The following TENM1 variants were observed in gnomAD, a reference collection of about 807,000 sequenced individuals.
TENM1 encodes teneurin transmembrane protein 1.
Under a neutral mutation model 174.8 loss-of-function variants are expected in TENM1, and 35 were observed. The ratio of observed to expected loss-of-function variants is 0.20; its 90% CI spans 0.15 to 0.27. The LOEUF (loss-of-function observed/expected upper bound fraction) is 0.27, where lower values mean the gene tolerates loss of function less well. Ranked by LOEUF, TENM1 falls within the 10% of genes least tolerant of loss-of-function variation. TENM1 has a pLI of 1.00. For synonymous variants in TENM1, 781 were observed against 798.7 expected (o/e 0.98, Z 0.37); for missense variants, 1,633 against 2,130.1 (o/e 0.77, Z 4.59).
chrX:124,559,332 A>T (rs1326550723), intron 14 of TENM1, among the ~76,000 whole-genome samples: 1 of 111,402 alleles, frequency 9.0e-6, no homozygotes, highest in Admixed American at 9.6e-5. Flanking sequence ...AACTTACTTG[A>T]CTTCTCTGTG....
intron 23 of TENM1, among the ~76,000 whole-genome samples, chrX:124,452,825 T>G (rs753529463): frequency 1.2e-5 from 1 of 86,878 alleles, no homozygotes; most frequent in Non-Finnish European, 2.1e-5. Context: ...ATGAGAACAC[T>G]TGGACACAGG....
chrX:124,420,065 G>T (rs1309948688), intron 25 of TENM1, among the ~76,000 whole-genome samples: 1 of 111,921 alleles, frequency 8.9e-6, no homozygotes, highest in Non-Finnish European at 1.9e-5. Context: ...GTCTCCTGCA[G>T]TGCCACACTT....
At chrX:124,902,230 T>A (rs145463658) in intron 1 of TENM1, among the ~76,000 whole-genome samples, 1 of 112,156 alleles carries the variant, frequency 8.9e-6, no homozygotes, top group East Asian at 2.8e-4. Flanking sequence ...GTTTCATGAA[T>A]CAAGGAGCCA....
At chrX:125,087,283 T>C in the TENM1 span, among the ~76,000 whole-genome samples, 5 of 111,170 alleles carry the variant, frequency 4.5e-5, no homozygotes, top group African/African-American at 1.3e-4. Context: ...GTGAATATTA[T>C]CAATATTTTA....
chrX:124,898,152 T>A (rs2147586972), intron 1 of TENM1, among the ~76,000 whole-genome samples: 1 of 111,653 alleles, frequency 9.0e-6, no homozygotes, highest in Admixed American at 9.6e-5. Context: ...AAACATAGAT[T>A]GCTGCACCCC....
At chrX:125,063,860 T>C in the TENM1 span, among the ~76,000 whole-genome samples, 5 of 111,662 alleles carry the variant, frequency 4.5e-5, no homozygotes, top group South Asian at 1.1e-3. Flanking sequence ...CACATGCACA[T>C]GTATGTTTAC....
exon 32 of TENM1, chrX:124,377,105 C>A (rs1178839633): frequency 1.8e-5 from 2 of 108,934 alleles, no homozygotes; most frequent in Non-Finnish European, 3.8e-5. Flanking sequence ...TATAGTGGGG[C>A]CTGGTCTAGT....
intron 3 of TENM1, among the ~76,000 whole-genome samples, chrX:124,843,326 G>A (rs2147369620): frequency 9.0e-6 from 1 of 111,718 alleles, no homozygotes; most frequent in East Asian, 2.8e-4. Flanking sequence ...TTAACCTCCT[G>A]AGCAGCTTTG....
At chrX:124,484,610 C>T (rs1001018411) in intron 21 of TENM1, among the ~76,000 whole-genome samples, 1 of 111,588 alleles carries the variant, frequency 9.0e-6, no homozygotes, top group African/African-American at 3.3e-5. Context: ...CCAGCTTTAG[C>T]CATTGGGAGC....
At chrX:124,630,586 T>C (rs1471720152) in intron 11 of TENM1, among the ~76,000 whole-genome samples, 1 of 111,864 alleles carries the variant, frequency 8.9e-6, no homozygotes, top group Admixed American at 9.5e-5. Context: ...TTGAGACCCA[T>C]AGTGGTTCAC....
intron 11 of TENM1, among the ~76,000 whole-genome samples, chrX:124,623,304 TGA>T (rs2050562980): frequency 9.0e-6 from 1 of 110,905 alleles, no homozygotes; most frequent in Non-Finnish European, 1.9e-5. Flanking sequence ...TATGTGAATG[TGA>T]GAGTGTATAA....
intron 6 of TENM1, among the ~76,000 whole-genome samples, chrX:124,659,305 G>T (rs1438041202): frequency 9.0e-6 from 1 of 111,224 alleles, no homozygotes; most frequent in African/African-American, 3.3e-5. Context: ...AAAATCCAAA[G>T]ATTTATGAAT....
chrX:124,513,930 C>T (rs757569960), intron 18 of TENM1, among the ~76,000 whole-genome samples: 13 of 111,463 alleles, frequency 1.2e-4, no homozygotes, highest in African/African-American at 3.3e-4. Flanking sequence ...CCATGAAAAA[C>T]AAGCCAATAG....
chrX:124,432,255 A>G (rs747595754), intron 23 of TENM1, among the ~76,000 whole-genome samples: 17 of 112,068 alleles, frequency 1.5e-4, no homozygotes, highest in African/African-American at 5.5e-4. Flanking sequence ...TCTCCTATTT[A>G]TAAATTTGAA....
upstream of TENM1, among the ~76,000 whole-genome samples, chrX:124,965,574 C>A (rs2058716330): frequency 9.0e-6 from 1 of 111,531 alleles, no homozygotes; most frequent in Non-Finnish European, 1.9e-5. Flanking sequence ...TTTAGGCACA[C>A]ACGTAGTAGA....
the TENM1 span, among the ~76,000 whole-genome samples, chrX:125,175,301 G>C: frequency 9.0e-6 from 1 of 111,413 alleles, no homozygotes; most frequent in Admixed American, 9.6e-5. Flanking sequence ...ACCCTTTCAG[G>C]AATGAGGCAG....
chrX:124,379,446 A>G (rs1474936032), exon 32 of TENM1: 2 of 112,447 alleles, frequency 1.8e-5, no homozygotes, highest in African/African-American at 6.5e-5. Flanking sequence ...ATGTGGCAGC[A>G]ACTGCTGTGA....
At chrX:124,404,952 TAAAC>T (rs34194370) in intron 27 of TENM1, 75 bp downstream of exon 30, 11,988 of 864,582 alleles carry the variant, frequency 0.014, 155 homozygotes, top group African/African-American at 0.082. Context: ...GCTCTGCAGT[TAAAC>T]AAACAAACAA....
chrX:124,392,305 G>C, exon 28 of TENM1: 1 of 1,208,617 alleles, frequency 8.3e-7, no homozygotes, highest in Non-Finnish European at 1.1e-6. Flanking sequence ...TCCTGTGCGG[G>C]TTATATGATC....
Sources: gnomAD v4.1 joint callset for allele counts (sites outside exome capture counted in the v4.1 genomes callset) on GRCh38, gnomAD v4.1.1 for gene constraint, MANE v1.5 for transcripts, NCBI Gene and HGNC (gene_info 2026-07-23, HGNC 2026-07-21) for gene names.